Variants in ERG observed in about 807,000 individuals in gnomAD.
ERG encodes transcriptional regulator ERG.
ERG carries 9 observed loss-of-function variants against 55.3 expected under a neutral mutation model. That is an observed-to-expected ratio of 0.16 (90% CI 0.10 to 0.28). The LOEUF is 0.28. ERG is among the 10% of genes least tolerant of loss of function. ERG has a pLI of 1.00. For synonymous variants in ERG, 223 were observed against 237.3 expected, an observed-to-expected ratio of 0.94 and a Z score of 0.55; for missense variants, 434 against 631.6, an observed-to-expected ratio of 0.69 and a Z score of 3.35.
At chr21:38,368,786 G>A in the ERG span, among the ~76,000 whole-genome samples, 1 of 152,010 alleles carries the variant, frequency 6.6e-6, no homozygotes, top group Non-Finnish European at 1.5e-5. Flanking sequence ...CGCTCTGAAA[G>A]GCCCCAGTGT....
chr21:38,415,893 G>A lies in ERG; in HGVS notation c.388+7517C>T, dbSNP rs894548521. Among the ~76,000 whole-genome samples the A allele has an allele frequency of 8.5e-5, 13 of 152,214 alleles. No homozygotes were observed. In the Middle Eastern group the frequency reaches 0.01, roughly 119 times the overall value. On this transcript the variant is annotated intron_variant, in intron 3 of 9. Coordinates refer to ENST00000288319, the MANE Select transcript of ERG (RefSeq NM_182918.4). ...CCAAGTGCTGGCTGTGTTGTCTGGC[G>A]ATTGAGAACACAAAAGACATGATCA... is the stretch of plus-strand genomic sequence containing the variant.
intron 3 of ERG, among the ~76,000 whole-genome samples, chr21:38,415,790 C>T (rs574198653): frequency 1.4e-4 from 21 of 152,014 alleles, no homozygotes; most frequent in African/African-American, 3.6e-4. Context: ...GCAACCCCTG[C>T]GAGTCTGCGA....
At position 38,536,557 on chromosome 21, in the gene ERG, C is replaced by T. The variant is rs1244915588; in HGVS notation, c.-41+39105G>A. On this transcript the variant is annotated intron_variant, in intron 2 of 8. Transcript: ENST00000398897. ...GCAACTGTTTGCACAGCTGTATCCA[C>T]CACTAAACTTAGAGGCAACAGACCA... is the stretch of plus-strand genomic sequence containing the variant. Among the ~76,000 whole-genome samples the T allele has an allele frequency of 1.3e-5, 2 of 152,172 alleles. 1 individual carries two copies.
intron 2 of ERG, among the ~76,000 whole-genome samples, chr21:38,559,383 C>T (rs1268221874): frequency 1.1e-5 from 1 of 92,076 alleles, no homozygotes; most frequent in African/African-American, 4.8e-5. Flanking sequence ...TCCCATTTCC[C>T]TTTTTTTTTT....
intron 2 of ERG, among the ~76,000 whole-genome samples, chr21:38,510,782 T>C (rs1331343404): frequency 6.6e-6 from 1 of 152,186 alleles, no homozygotes; most frequent in Admixed American, 6.5e-5. Flanking sequence ...AAAAAGGAAT[T>C]GACAGTACAC....
At chr21:38,434,132 C>T (rs1990353910) in intron 2 of ERG, among the ~76,000 whole-genome samples, 1 of 152,156 alleles carries the variant, frequency 6.6e-6, no homozygotes, top group Non-Finnish European at 1.5e-5. Flanking sequence ...CTCTGGAGCC[C>T]CTCAATTCAC....
intron 3 of ERG, among the ~76,000 whole-genome samples, chr21:38,415,088 T>C: frequency 6.6e-6 from 1 of 152,232 alleles, no homozygotes; most frequent in East Asian, 1.9e-4. Flanking sequence ...CATTCCTGTG[T>C]TCTCCCCTGG....
At chr21:38,658,105 C>G (rs2060530231) in intron 1 of ERG, among the ~76,000 whole-genome samples, 1 of 152,326 alleles carries the variant, frequency 6.6e-6, no homozygotes, top group South Asian at 2.1e-4. Flanking sequence ...GCCCAAGTAA[C>G]CTTACACACT....
At chr21:38,593,870 T>C (rs2060115853) in intron 1 of ERG, among the ~76,000 whole-genome samples, 3 of 152,338 alleles carry the variant, frequency 2.0e-5, no homozygotes, top group African/African-American at 7.2e-5. Flanking sequence ...ATCACTTTGA[T>C]ACTTGTAGGA....
chr21:38,629,284 G>C (rs1194704983), intron 1 of ERG, among the ~76,000 whole-genome samples: 1 of 152,176 alleles, frequency 6.6e-6, no homozygotes, highest in Non-Finnish European at 1.5e-5. Context: ...GCAATTTTAA[G>C]TGGCTTCCAG....
chr21:38,445,373 C>G (rs1435962546), intron 2 of ERG, 31 bp downstream of exon 2: 1 of 1,560,878 alleles, frequency 6.4e-7, no homozygotes, highest in Admixed American at 1.7e-5. Flanking sequence ...AATGGGAGGT[C>G]AGGGAGAGAA....
At chr21:38,527,607 C>A (rs914391307) in intron 2 of ERG, among the ~76,000 whole-genome samples, 2 of 152,120 alleles carry the variant, frequency 1.3e-5, no homozygotes, top group African/African-American at 4.8e-5. Context: ...GCCTCTGATC[C>A]TCAGGCATGG....
intron 1 of ERG, among the ~76,000 whole-genome samples, chr21:38,637,853 G>A (rs531956924): frequency 6.6e-6 from 1 of 152,002 alleles, no homozygotes; most frequent in Non-Finnish European, 1.5e-5. Context: ...GTGTATGTAT[G>A]CAAGTGTGTG....
intron 1 of ERG, among the ~76,000 whole-genome samples, chr21:38,462,589 A>G (rs1000435098): frequency 1.6e-4 from 24 of 152,234 alleles, no homozygotes; most frequent in Non-Finnish European, 3.1e-4. Flanking sequence ...CATTTCCTCA[A>G]GTTGACAACA....
intron 2 of ERG, among the ~76,000 whole-genome samples, chr21:38,556,484 A>C (rs1449459338): frequency 1.3e-5 from 2 of 152,120 alleles, no homozygotes; most frequent in African/African-American, 4.8e-5. Context: ...AGCCAATCAC[A>C]TTTCTGCAGC....
intron 9 of ERG, among the ~76,000 whole-genome samples, chr21:38,384,834 G>GAAA (rs768892765): frequency 4.7e-5 from 6 of 126,482 alleles, no homozygotes; most frequent in Admixed American, 1.6e-4. Flanking sequence ...GGAAGTTTAG[G>GAAA]AAAAAAAAAA....
Position 38,452,306 on chromosome 21 carries a change from T to C in ERG, c.19-6685A>G, listed in dbSNP as rs924898409. On this transcript the variant is annotated intron_variant, in intron 1 of 9. Transcript: ENST00000288319. The stretch of plus-strand genomic sequence containing the variant: ...GTACACATATACATGTGTGCATGCA[T>C]GCAAATACATACATGCGCAAATACA... Among the ~76,000 whole-genome samples, 4 of 152,340 alleles carry C rather than the reference T, an allele frequency of 2.6e-5. No homozygotes were observed. In the East Asian group the frequency reaches 7.7e-4, roughly 29 times the overall value.
intron 1 of ERG, among the ~76,000 whole-genome samples, chr21:38,576,042 C>T (rs1255485155): frequency 1.3e-5 from 2 of 152,214 alleles, no homozygotes; most frequent in East Asian, 1.9e-4. Context: ...CATCCTTCCA[C>T]GTGGGCAGCA....
chr21:38,617,882 T>C (rs1361521150), intron 1 of ERG, among the ~76,000 whole-genome samples: 2 of 152,072 alleles, frequency 1.3e-5, no homozygotes, highest in Admixed American at 6.6e-5. Flanking sequence ...GGCAGGAAGG[T>C]AGGGAAGGCC....
Sources: gnomAD v4.1 joint callset for allele counts (sites outside exome capture counted in the v4.1 genomes callset) on GRCh38, gnomAD v4.1.1 for gene constraint, MANE v1.5 for transcripts, NCBI Gene and HGNC (gene_info 2026-07-23, HGNC 2026-07-21) for gene names.